Variants in TMEM62 observed in about 807,000 individuals in gnomAD.
TMEM62 encodes transmembrane protein 62.
In TMEM62, 41 loss-of-function variants were observed where a neutral mutation model predicts 70.4. That is an observed-to-expected ratio of 0.58 (90% CI 0.45 to 0.76). The LOEUF is 0.76. Ranked by LOEUF, TMEM62 falls within the 30% of genes least tolerant of loss-of-function variation. TMEM62 has a pLI of 0.00. For missense variants in TMEM62, 688 were observed against 788.5 expected, an observed-to-expected ratio of 0.87 and a Z score of 1.53; for synonymous variants, 268 against 291.0, an observed-to-expected ratio of 0.92 and a Z score of 0.80.
chr15:43,135,202 C>A (rs2035040598), intron 2 of TMEM62, among the ~76,000 whole-genome samples: 1 of 152,182 alleles, frequency 6.6e-6, no homozygotes, highest in Non-Finnish European at 1.5e-5. Flanking sequence ...TCTTATAAAT[C>A]ATTTTCATTT....
chr15:43,184,737 T>A lies in TMEM62; in HGVS notation c.*151T>A. 4 of 648,412 alleles carry A rather than the reference T, an allele frequency of 6.2e-6. No individual in the cohort carries two copies. The highest frequency in any genetic ancestry group is 7.9e-6 in the Non-Finnish European group (3 of 378,106). 40.2% of individuals were successfully genotyped at this position (648,412 alleles called of 1,614,324 possible). ...TTGGAGTCCTGGACGTTGGAGGGATTACCCACTACTGATACCTGCAGAATG... is the reference window on the plus strand; with the variant it reads ...TTGGAGTCCTGGACGTTGGAGGGATAACCCACTACTGATACCTGCAGAATG... On this transcript the variant is annotated 3_prime_UTR_variant, in exon 14 of 14. Transcript: ENST00000260403.
At chr15:43,176,401 CT>C (rs2040751872) in intron 11 of TMEM62, among the ~76,000 whole-genome samples, 1 of 152,260 alleles carries the variant, frequency 6.6e-6, no homozygotes, top group Non-Finnish European at 1.5e-5. Context: ...TCCCTGACCC[CT>C]GACCCCCGAG....
At chr15:43,172,085 C>G (rs534638422) in intron 11 of TMEM62, among the ~76,000 whole-genome samples, 100 of 152,218 alleles carry the variant, frequency 6.6e-4, no homozygotes, top group African/African-American at 2.3e-3. Context: ...TTACTATTTA[C>G]TAATAGACCC....
chr15:43,155,277 G>A (rs1366396839), intron 9 of TMEM62, among the ~76,000 whole-genome samples: 1 of 151,786 alleles, frequency 6.6e-6, no homozygotes, highest in East Asian at 1.9e-4. Flanking sequence ...CTGGAGGATC[G>A]CTTGAGGCCA....
rs569453166 is a variant in TMEM62, at chr15:43,171,880, G to A, written c.1381+2203G>A. ...CTAACATCATGATCCACCCGCCTCA[G>A]CCTCCCAAAGTGCTGGGATTACAGG... On this transcript the variant is annotated intron_variant, in intron 11 of 13. Transcript: ENST00000260403. Among the ~76,000 whole-genome samples the A allele has an allele frequency of 4.9e-4, 74 of 152,034 alleles. 1 individual carries two copies. The highest frequency in any genetic ancestry group is 3.9e-4 in the Admixed American group (6 of 15,254).
At chr15:43,181,369 T>A in intron 13 of TMEM62, 70 bp downstream of exon 13, 1 of 997,224 alleles carries the variant, frequency 1.0e-6, no homozygotes, top group Non-Finnish European at 1.6e-6. Flanking sequence ...AGTTATGAAT[T>A]AAATCCAAAA....
intron 7 of TMEM62, 110 bp downstream of exon 7, chr15:43,149,261 T>C: frequency 8.2e-7 from 1 of 1,217,092 alleles, no homozygotes; most frequent in Non-Finnish European, 1.1e-6. Flanking sequence ...AAACTTGTGA[T>C]ATTTCTGTTT....
intron 5 of TMEM62, among the ~76,000 whole-genome samples, chr15:43,148,498 C>T (rs1181993340): frequency 2.0e-5 from 3 of 152,176 alleles, no homozygotes; most frequent in Non-Finnish European, 4.4e-5. Flanking sequence ...CTTCATTTCG[C>T]AGTTTCCTTA....
At chr15:43,149,963 C>G (rs1596251855) in intron 7 of TMEM62, among the ~76,000 whole-genome samples, 1 of 151,936 alleles carries the variant, frequency 6.6e-6, no homozygotes, top group Admixed American at 6.5e-5. Context: ...ATGGTTTTTT[C>G]TTTTTTAAAA....
intron 10 of TMEM62, among the ~76,000 whole-genome samples, chr15:43,164,448 TTTC>T (rs909250253): frequency 6.6e-6 from 1 of 151,772 alleles, no homozygotes; most frequent in African/African-American, 2.4e-5. Flanking sequence ...TCTTTTTTCT[TTTC>T]TTTTTTTTTT....
chr15:43,163,475 TG>T lies in TMEM62; in HGVS notation c.1296+2683del, dbSNP rs564940058. Among the ~76,000 whole-genome samples, 13 of 152,212 alleles carry T rather than the reference TG, an allele frequency of 8.5e-5. No individual in the cohort carries two copies. The South Asian group carries it at 2.3e-3, about 27-fold the overall frequency. The stretch of plus-strand genomic sequence containing the variant: ...AATTTTGATATTCAAATGAATAACC[TG>T]GATGTTATTAAAATACGGTTCTGGG... On this transcript the variant is annotated intron_variant, in intron 10 of 13. Transcript: ENST00000260403.
intron 11 of TMEM62, among the ~76,000 whole-genome samples, chr15:43,172,695 C>T (rs2040321082): frequency 6.6e-6 from 1 of 152,050 alleles, no homozygotes; most frequent in Admixed American, 6.6e-5. Context: ...TTTTTATCAA[C>T]AAATTTAAAA....
chr15:43,182,356 A>G (rs1027276729), intron 13 of TMEM62, among the ~76,000 whole-genome samples: 13 of 152,206 alleles, frequency 8.5e-5, no homozygotes, highest in Admixed American at 6.5e-5. Context: ...ACTTCTGCCT[A>G]GCAAACACTG....
chr15:43,178,050 G>A (rs1409714869), intron 11 of TMEM62, among the ~76,000 whole-genome samples: 1 of 150,498 alleles, frequency 6.6e-6, no homozygotes, highest in Admixed American at 6.6e-5. Context: ...GACCATATTT[G>A]GACAGATACT....
intron 11 of TMEM62, among the ~76,000 whole-genome samples, chr15:43,176,795 G>A (rs2040803931): frequency 6.6e-6 from 1 of 152,090 alleles, no homozygotes; most frequent in African/African-American, 2.4e-5. Flanking sequence ...CTCCTCCAAA[G>A]GAACACAGTT....
At chr15:43,184,162 CAGAT>C (rs2041665519) in intron 13 of TMEM62, 94 bp from the exon 14 acceptor site, 5 of 1,097,596 alleles carry the variant, frequency 4.6e-6, no homozygotes, top group African/African-American at 1.6e-5. Flanking sequence ...AACGCCAAGA[CAGAT>C]AGCAGCATAG....
chr15:43,146,769 T>C lies in TMEM62; in HGVS notation c.618+135T>C, dbSNP rs986105873. 7 of 810,824 alleles carry C rather than the reference T, an allele frequency of 8.6e-6. No homozygotes were observed. In the African/African-American group the frequency reaches 1.2e-4, roughly 14 times the overall value. 50.2% of individuals were successfully genotyped at this position (810,824 alleles called of 1,614,324 possible). On this transcript the variant is annotated intron_variant, in intron 5 of 13. Coordinates refer to ENST00000260403, the MANE Select transcript of TMEM62 (RefSeq NM_024956.4). ...GAGAAATTTAACTTGGTTACAGGTA[T>C]GGCTAGAAGTTACTGGCTATTTCAG...
chr15:43,135,391 T>G (rs1246153151), intron 2 of TMEM62, 121 bp from the exon 3 acceptor site: 1 of 967,808 alleles, frequency 1.0e-6, no homozygotes, highest in African/African-American at 1.7e-5. Flanking sequence ...TCGTGAGCAG[T>G]TATGCTTATA....
chr15:43,153,745 A>G (rs1320756063), intron 8 of TMEM62, among the ~76,000 whole-genome samples: 3 of 151,086 alleles, frequency 2.0e-5, no homozygotes, highest in East Asian at 3.9e-4. Context: ...TATGTGTTCA[A>G]TGGACACTTG....
Sources: allele counts gnomAD v4.1 joint callset (sites outside exome capture counted in the v4.1 genomes callset), GRCh38; gene constraint gnomAD v4.1.1; transcripts MANE v1.5; gene names NCBI Gene and HGNC (gene_info 2026-07-23, HGNC 2026-07-21).